The following CDH18 variants were observed in gnomAD, a reference collection of about 807,000 sequenced individuals.
The protein encoded by CDH18 is cadherin 18.
In CDH18, 31 loss-of-function variants were observed where a neutral mutation model predicts 67.9. The ratio of observed to expected loss-of-function variants is 0.46; its 90% CI spans 0.34 to 0.62. CDH18 has a LOEUF of 0.62. Ranked by LOEUF, CDH18 falls within the 20% of genes least tolerant of loss-of-function variation. The pLI is 0.01. For synonymous variants in CDH18, 362 were observed against 347.2 expected (o/e 1.04, Z -0.48); for missense variants, 890 against 975.5 (o/e 0.91, Z 1.17).
chr5:19,642,933 T>C (rs1393887159), intron 5 of CDH18, among the ~76,000 whole-genome samples: 1 of 151,990 alleles, frequency 6.6e-6, no homozygotes, highest in Admixed American at 6.6e-5. Context: ...GATAAAAGGT[T>C]AATATCCAAA....
At chr5:20,044,071 T>C (rs1016162523) in intron 2 of CDH18, among the ~76,000 whole-genome samples, 8 of 152,158 alleles carry the variant, frequency 5.3e-5, no homozygotes, top group Non-Finnish European at 8.8e-5. Flanking sequence ...GCACTATTCA[T>C]TAATTAGTAT....
intron 5 of CDH18, among the ~76,000 whole-genome samples, chr5:19,687,599 AG>A (rs1233988135): frequency 6.6e-6 from 1 of 152,166 alleles, no homozygotes; most frequent in Non-Finnish European, 1.5e-5. Context: ...TACCACTGAA[AG>A]CAAGCCTACC....
At chr5:19,629,259 G>A (rs909211210) in intron 5 of CDH18, among the ~76,000 whole-genome samples, 2 of 152,174 alleles carry the variant, frequency 1.3e-5, no homozygotes, top group African/African-American at 4.8e-5. Context: ...TACAAGATGA[G>A]AAGTATCAGG....
intron 1 of CDH18, among the ~76,000 whole-genome samples, chr5:20,464,819 G>A (rs1751527710): frequency 1.3e-5 from 2 of 152,002 alleles, no homozygotes; most frequent in African/African-American, 2.4e-5. Flanking sequence ...TAAAACCCTG[G>A]GAAATAGCTG....
chr5:20,302,482 T>A (rs991320927), intron 1 of CDH18, among the ~76,000 whole-genome samples: 2 of 152,026 alleles, frequency 1.3e-5, no homozygotes, highest in African/African-American at 4.8e-5. Flanking sequence ...CAAGCTCACC[T>A]CTCTCTGCGC....
intron 1 of CDH18, among the ~76,000 whole-genome samples, chr5:20,297,193 T>G (rs971722052): frequency 6.6e-6 from 1 of 152,196 alleles, no homozygotes; most frequent in South Asian, 2.1e-4. Context: ...ATGAAAATGA[T>G]CCTATAGGTT....
intron 1 of CDH18, among the ~76,000 whole-genome samples, chr5:20,285,212 T>G (rs1023163604): frequency 6.6e-6 from 1 of 151,442 alleles, no homozygotes; most frequent in Non-Finnish European, 1.5e-5. Context: ...AATTATACTC[T>G]TTTTCAAAGA....
intron 2 of CDH18, among the ~76,000 whole-genome samples, chr5:20,194,794 T>G (rs140655669): frequency 4.6e-5 from 7 of 152,140 alleles, no homozygotes; most frequent in African/African-American, 1.4e-4. Context: ...ATTTTCTTCC[T>G]CCCTCGTTAC....
chr5:20,041,964 A>T (rs960883948), intron 2 of CDH18, among the ~76,000 whole-genome samples: 5 of 152,228 alleles, frequency 3.3e-5, no homozygotes, highest in South Asian at 2.1e-4. Flanking sequence ...GGAAAAATAT[A>T]TGCTTTATGG....
At chr5:19,667,533 C>G (rs919939809) in intron 5 of CDH18, among the ~76,000 whole-genome samples, 2 of 136,282 alleles carry the variant, frequency 1.5e-5, no homozygotes, top group South Asian at 4.9e-4. Context: ...CACACACATA[C>G]ACACACATAA....
intron 9 of CDH18, among the ~76,000 whole-genome samples, chr5:19,541,454 C>T (rs558097420): frequency 1.8e-4 from 27 of 152,208 alleles, no homozygotes; most frequent in Non-Finnish European, 3.2e-4. Flanking sequence ...AGCACTACCC[C>T]GCTCTACTGG....
chr5:20,106,913 A>G (rs763708178), intron 2 of CDH18, among the ~76,000 whole-genome samples: 8 of 152,226 alleles, frequency 5.3e-5, no homozygotes, highest in Non-Finnish European at 1.2e-4. Context: ...TAGTATAACA[A>G]TGCCAAAGCC....
chr5:20,326,031 T>G (rs1738541351), intron 1 of CDH18, among the ~76,000 whole-genome samples: 1 of 152,204 alleles, frequency 6.6e-6, no homozygotes, highest in African/African-American at 2.4e-5. Context: ...TTAAATATGC[T>G]CAGGCACATT....
intron 2 of CDH18, among the ~76,000 whole-genome samples, chr5:20,137,699 G>T (rs1749858564): frequency 6.6e-6 from 1 of 152,044 alleles, no homozygotes; most frequent in African/African-American, 2.4e-5. Context: ...TTTCTCCTCT[G>T]TTTTTCTCCC....
chr5:20,216,341 T>C (rs1330626152), intron 2 of CDH18, among the ~76,000 whole-genome samples: 1 of 151,860 alleles, frequency 6.6e-6, no homozygotes, highest in Non-Finnish European at 1.5e-5. Flanking sequence ...ACAATATCTG[T>C]GAAACACAAT....
intron 1 of CDH18, among the ~76,000 whole-genome samples, chr5:20,385,087 T>C (rs1744208491): frequency 6.6e-6 from 1 of 152,134 alleles, no homozygotes; most frequent in African/African-American, 2.4e-5. Context: ...TCTGCCCACT[T>C]TGGCCACCCA....
intron 1 of CDH18, among the ~76,000 whole-genome samples, chr5:20,419,138 T>A (rs1380473695): frequency 6.6e-6 from 1 of 152,244 alleles, no homozygotes; most frequent in South Asian, 2.1e-4. Context: ...TTAGTAAGTC[T>A]CACGAGATCT....
intron 1 of CDH18, among the ~76,000 whole-genome samples, chr5:20,451,043 C>T (rs897558514): frequency 6.6e-6 from 1 of 152,122 alleles, no homozygotes; most frequent in Non-Finnish European, 1.5e-5. Flanking sequence ...CCACCAGGTC[C>T]CTCCAATGAC....
At chr5:19,636,369 AC>A (rs1225148646) in intron 5 of CDH18, among the ~76,000 whole-genome samples, 1 of 152,064 alleles carries the variant, frequency 6.6e-6, no homozygotes, top group Non-Finnish European at 1.5e-5. Flanking sequence ...GTTAAAAAAA[AC>A]ATGCATCAAA....
Sources: allele counts gnomAD v4.1 joint callset (sites outside exome capture counted in the v4.1 genomes callset), GRCh38; gene constraint gnomAD v4.1.1; transcripts MANE v1.5; gene names NCBI Gene and HGNC (gene_info 2026-07-23, HGNC 2026-07-21).